RNF180: variants seen among roughly 807,000 people sequenced by gnomAD.
RNF180 encodes the protein E3 ubiquitin-protein ligase RNF180.
Under a neutral mutation model 59.2 loss-of-function variants are expected in RNF180, and 38 were observed. The ratio of observed to expected loss-of-function variants is 0.64; its 90% CI spans 0.50 to 0.84. The LOEUF (loss-of-function observed/expected upper bound fraction) is 0.84. Among genes scored for constraint, RNF180 ranks in the 40% least tolerant of loss-of-function variants. The pLI is 0.00. For synonymous variants in RNF180, 262 were observed against 240.3 expected (o/e 1.09, Z -0.84); for missense variants, 705 against 700.9 (o/e 1.01, Z -0.07).
At chr5:64,334,290 G>A (rs1189698366) in intron 7 of RNF180, among the ~76,000 whole-genome samples, 1 of 152,184 alleles carries the variant, frequency 6.6e-6, no homozygotes. Flanking sequence ...ATAGATATAA[G>A]TAGTAACAAA....
At chr5:64,259,811 C>T (rs1474781731) in intron 5 of RNF180, among the ~76,000 whole-genome samples, 2 of 152,018 alleles carry the variant, frequency 1.3e-5, no homozygotes, top group African/African-American at 4.8e-5. Context: ...ATCCCAGCTA[C>T]TCGGGAGGCT....
chr5:64,174,819 AT>A (rs1239786203), intron 1 of RNF180, among the ~76,000 whole-genome samples: 1 of 151,926 alleles, frequency 6.6e-6, no homozygotes, highest in African/African-American at 2.4e-5. Context: ...CTGCTTGTCT[AT>A]TTTTGTTTCT....
At chr5:64,183,441 C>CTTTTTTTTTTTTTTTTT (rs367772828) in intron 1 of RNF180, among the ~76,000 whole-genome samples, 1 of 89,914 alleles carries the variant, frequency 1.1e-5, no homozygotes, top group Non-Finnish European at 2.1e-5. Flanking sequence ...GAAAGTATAC[C>CTTTTTTTTTTTTTTTTT]TTTTTTTTTT....
intron 5 of RNF180, among the ~76,000 whole-genome samples, chr5:64,258,879 A>G (rs1252513640): frequency 1.3e-5 from 2 of 152,232 alleles, no homozygotes; most frequent in Admixed American, 1.3e-4. Context: ...GGGATGGAAT[A>G]AAGAAACAAG....
In RNF180 at chr5:64,369,961, T is replaced by G. The variant is rs1746604872; in HGVS notation, c.*147T>G. Reference sequence around the variant, plus strand: ...AGAAAGCCTGAGAATAATGAATTTATTTATTAATGTTTTTCATGTAACAAA... The same window carrying G: ...AGAAAGCCTGAGAATAATGAATTTAGTTATTAATGTTTTTCATGTAACAAA... On this transcript the variant is annotated 3_prime_UTR_variant, in exon 8 of 8. Transcript: ENST00000389100. The G allele has an allele frequency of 3.7e-5, 19 of 512,796 alleles. No homozygotes were observed. In the South Asian group the frequency reaches 6.1e-4, roughly 16 times the overall value. 31.8% of individuals were successfully genotyped at this position (512,796 alleles called of 1,614,324 possible).
At chr5:64,174,291 A>T (rs1470936451) in intron 1 of RNF180, among the ~76,000 whole-genome samples, 8 of 152,184 alleles carry the variant, frequency 5.3e-5, no homozygotes, top group Non-Finnish European at 1.2e-4. Flanking sequence ...TCTCTTCAGC[A>T]TACTGATTTC....
chr5:64,248,707 A>G (rs1030280362), intron 5 of RNF180, among the ~76,000 whole-genome samples: 4 of 152,218 alleles, frequency 2.6e-5, no homozygotes, highest in African/African-American at 9.7e-5. Context: ...GCGATTCCTC[A>G]AGGATCTAAA....
chr5:64,175,669 A>G (rs943641800), intron 1 of RNF180, among the ~76,000 whole-genome samples: 1 of 152,088 alleles, frequency 6.6e-6, no homozygotes, highest in Non-Finnish European at 1.5e-5. Context: ...TGGTATTTTT[A>G]TAGGGATTGC....
chr5:64,234,653 G>A (rs1273580887), intron 5 of RNF180, among the ~76,000 whole-genome samples: 1 of 120,524 alleles, frequency 8.3e-6, no homozygotes, highest in Non-Finnish European at 1.6e-5. Context: ...AGGCTGGAGT[G>A]CCGTGGCGCC....
chr5:64,244,628 G>A (rs1743039166), intron 5 of RNF180, among the ~76,000 whole-genome samples: 1 of 152,214 alleles, frequency 6.6e-6, no homozygotes, highest in Admixed American at 6.5e-5. Context: ...GTACCTGAAA[G>A]TGACGGGGAG....
At chr5:64,250,926 T>TA (rs1743531702) in intron 5 of RNF180, among the ~76,000 whole-genome samples, 1 of 152,056 alleles carries the variant, frequency 6.6e-6, no homozygotes, top group Admixed American at 6.6e-5. Context: ...TACAGTCCAA[T>TA]AAAGCTGACG....
chr5:64,245,696 T>C (rs1743107654), intron 5 of RNF180, among the ~76,000 whole-genome samples: 1 of 152,158 alleles, frequency 6.6e-6, no homozygotes, highest in South Asian at 2.1e-4. Flanking sequence ...CTATCAATAT[T>C]ACACAGATCA....
intron 5 of RNF180, among the ~76,000 whole-genome samples, chr5:64,320,773 T>C (rs947538426): frequency 1.3e-5 from 2 of 152,230 alleles, no homozygotes; most frequent in African/African-American, 4.8e-5. Context: ...GCGCGATGGC[T>C]CACGCCTGTA....
At chr5:64,314,708 A>G (rs1561255311) in intron 5 of RNF180, among the ~76,000 whole-genome samples, 4 of 152,328 alleles carry the variant, frequency 2.6e-5, no homozygotes, top group Middle Eastern at 3.4e-3. Flanking sequence ...GAAGAATGCC[A>G]TTGTTTTACA....
At chr5:64,192,356 C>T (rs1402122125) in intron 1 of RNF180, among the ~76,000 whole-genome samples, 1 of 151,928 alleles carries the variant, frequency 6.6e-6, no homozygotes, top group Non-Finnish European at 1.5e-5. Context: ...GTGGGAATAT[C>T]GAATGGTGTA....
At chr5:64,245,163 A>C (rs1743075387) in intron 5 of RNF180, among the ~76,000 whole-genome samples, 1 of 152,224 alleles carries the variant, frequency 6.6e-6, no homozygotes, top group South Asian at 2.1e-4. Context: ...CATCAACACT[A>C]TGAAGAAACT....
intron 5 of RNF180, among the ~76,000 whole-genome samples, chr5:64,220,089 A>T (rs961900832): frequency 2.6e-5 from 4 of 152,010 alleles, no homozygotes; most frequent in Admixed American, 2.0e-4. Context: ...CCTCTTTTCA[A>T]TCCTGATAAT....
At chr5:64,300,137 A>G (rs1359711566) in intron 5 of RNF180, among the ~76,000 whole-genome samples, 6 of 151,916 alleles carry the variant, frequency 3.9e-5, no homozygotes, top group Middle Eastern at 3.4e-3. Flanking sequence ...AAGAGAAGCC[A>G]TAAAGTGCTT....
intron 7 of RNF180, among the ~76,000 whole-genome samples, chr5:64,363,779 T>C (rs1391784881): frequency 6.6e-6 from 1 of 151,904 alleles, no homozygotes. Flanking sequence ...TGGTTTGTAG[T>C]TTTTCTTGTA....
Sources: gnomAD v4.1 joint callset for allele counts (sites outside exome capture counted in the v4.1 genomes callset) on GRCh38, gnomAD v4.1.1 for gene constraint, MANE v1.5 for transcripts, NCBI Gene and HGNC (gene_info 2026-07-23, HGNC 2026-07-21) for gene names.